The following FUT9 variants were observed in gnomAD, a reference collection of about 807,000 sequenced individuals.
The protein encoded by FUT9 is 4-galactosyl-N-acetylglucosaminide 3-alpha-L-fucosyltransferase 9.
In FUT9, 15 loss-of-function variants were observed where a neutral mutation model predicts 29.7. The observed-to-expected ratio is 0.51, with a 90% CI of 0.34 to 0.78. The LOEUF is 0.78. Among genes scored for constraint, FUT9 ranks in the 30% least tolerant of loss-of-function variants. The pLI is 0.01. For synonymous variants in FUT9, 169 were observed against 153.7 expected (o/e 1.10, Z -0.74); for missense variants, 319 against 425.4 (o/e 0.75, Z 2.20).
chr6:96,212,505 A>G lies in FUT9; in HGVS notation c.*8270A>G. On this transcript the variant is annotated 3_prime_UTR_variant, in exon 3 of 3. Coordinates refer to ENST00000302103, the MANE Select transcript of FUT9 (RefSeq NM_006581.4). ...AATTAATCAAAAAACAAAGACTATC[A>G]TATTTGAGAACAAGATTTTACTTAG... 2.4e-6 allele frequency: 1 copy of G among 408,328 alleles called. No individual in the cohort carries two copies. Among genetic ancestry groups the G allele is most frequent in the Non-Finnish European group, 4.5e-6 (1 of 222,972 alleles). The allele number at this position is 408,328 out of a possible 1,614,324, so 25.3% of individuals were successfully genotyped here. A position where few individuals can be genotyped will look rare whatever the true frequency, so the allele number is the denominator to read the frequency against.
At chr6:96,161,526 C>CAGAT (rs1387731005) in intron 2 of FUT9, among the ~76,000 whole-genome samples, 2 of 152,030 alleles carry the variant, frequency 1.3e-5, no homozygotes, top group African/African-American at 4.8e-5. Context: ...TAGGTAGAGA[C>CAGAT]AGATAGATAG....
chr6:96,206,106 T>G lies in FUT9; in HGVS notation c.*1871T>G. ...CAGCCTGAGACTGTTTATATGCATG[T>G]GCTACTCCGAATGACGTTTGTATGG... On this transcript the variant is annotated 3_prime_UTR_variant, in exon 3 of 3. Coordinates refer to ENST00000302103, the MANE Select transcript of FUT9 (RefSeq NM_006581.4). The G allele has an allele frequency of 6.0e-6, 1 of 167,144 alleles. No homozygotes were observed. The allele number at this position is 167,144 out of a possible 1,614,324, so 10.4% of individuals were successfully genotyped here.
intron 2 of FUT9, among the ~76,000 whole-genome samples, chr6:96,138,634 A>G (rs1772405540): frequency 6.6e-6 from 1 of 152,208 alleles, no homozygotes; most frequent in African/African-American, 2.4e-5. Context: ...ATATCATCGT[A>G]TAGTCTGTCA....
intron 2 of FUT9, among the ~76,000 whole-genome samples, chr6:96,164,913 G>C (rs1209312251): frequency 6.6e-6 from 1 of 152,186 alleles, no homozygotes; most frequent in Non-Finnish European, 1.5e-5. Context: ...TGTATGGCTA[G>C]TGGTTTCTGT....
At chr6:96,155,074 C>A (rs1191985317) in intron 2 of FUT9, among the ~76,000 whole-genome samples, 1 of 152,148 alleles carries the variant, frequency 6.6e-6, no homozygotes, top group East Asian at 1.9e-4. Context: ...AAAATGACCC[C>A]CAATCAGCAG....
chr6:96,141,818 G>A (rs766164105), intron 2 of FUT9, among the ~76,000 whole-genome samples: 1 of 152,208 alleles, frequency 6.6e-6, no homozygotes, highest in Non-Finnish European at 1.5e-5. Context: ...TACTTCTCCA[G>A]ATTCTGGCTG....
At chr6:96,087,283 A>G (rs1050395364) in intron 1 of FUT9, among the ~76,000 whole-genome samples, 2 of 151,796 alleles carry the variant, frequency 1.3e-5, no homozygotes, top group African/African-American at 2.4e-5. Flanking sequence ...TTAACTTATC[A>G]TAGTCTACCT....
At chr6:96,039,615 C>T (rs1450510225) in intron 1 of FUT9, among the ~76,000 whole-genome samples, 1 of 152,036 alleles carries the variant, frequency 6.6e-6, no homozygotes, top group Non-Finnish European at 1.5e-5. Flanking sequence ...CTCCTCCTCA[C>T]AGGGGCTTCC....
intron 2 of FUT9, among the ~76,000 whole-genome samples, chr6:96,153,509 A>G (rs938152414): frequency 1.3e-5 from 2 of 152,240 alleles, no homozygotes; most frequent in Non-Finnish European, 1.5e-5. Flanking sequence ...CTTCCCAAGT[A>G]TGAAATTGAG....
chr6:96,136,811 G>T (rs908730678), intron 2 of FUT9, among the ~76,000 whole-genome samples: 1 of 151,972 alleles, frequency 6.6e-6, no homozygotes, highest in Non-Finnish European at 1.5e-5. Context: ...AAATAATTGC[G>T]AGGCTACTCT....
rs543035820 is a variant in FUT9 at position 96,215,260 on chromosome 6, T to A, written c.*11025T>A. The stretch of plus-strand genomic sequence containing the variant: ...TTAAACTGGAGATGTCATTTGAAAT[T>A]TTCTTCCCTTAAACATGCTGTCACA... On this transcript the variant is annotated 3_prime_UTR_variant, in exon 3 of 3. Coordinates refer to ENST00000302103, the MANE Select transcript of FUT9 (RefSeq NM_006581.4). 6.0e-6 allele frequency: 1 copy of A among 167,174 alleles called. No individual in the cohort carries two copies. The highest frequency in any genetic ancestry group is 1.5e-5 in the Non-Finnish European group (1 of 68,092). 10.4% of individuals were successfully genotyped at this position (167,174 alleles called of 1,614,324 possible).
intron 2 of FUT9, among the ~76,000 whole-genome samples, chr6:96,189,001 G>A (rs919311265): frequency 6.6e-6 from 1 of 152,018 alleles, no homozygotes; most frequent in African/African-American, 2.4e-5. Context: ...ACAAATCTAG[G>A]TAAACTTGAT....
intron 1 of FUT9, among the ~76,000 whole-genome samples, chr6:96,027,376 G>T (rs987638629): frequency 1.3e-5 from 2 of 151,598 alleles, no homozygotes; most frequent in Non-Finnish European, 3.0e-5. Flanking sequence ...GACTGAAGAT[G>T]AATACATGTC....
At chr6:96,139,703 G>C (rs1266893192) in intron 2 of FUT9, among the ~76,000 whole-genome samples, 1 of 152,160 alleles carries the variant, frequency 6.6e-6, no homozygotes, top group African/African-American at 2.4e-5. Context: ...TCAACACCAT[G>C]TGTAAGCTGC....
Position 96,214,050 on chromosome 6 carries a change from T to TA in FUT9, c.*9817dup, listed in dbSNP as rs930189222. The TA allele has an allele frequency of 8.4e-5, 14 of 167,088 alleles. 1 individual carries two copies. The highest frequency in any genetic ancestry group is 5.2e-4 in the Admixed American group (8 of 15,286). The allele number at this position is 167,088 out of a possible 1,614,324, so 10.4% of individuals were successfully genotyped here. A position where few individuals can be genotyped will look rare whatever the true frequency, so the allele number is the denominator to read the frequency against. Reference sequence around the variant, plus strand: ...AAAGTGAAAATGTTATTCATAGTGCTAATGAGCCAATAAACAATGCTGCGT... The same window carrying TA: ...AAAGTGAAAATGTTATTCATAGTGCTAAATGAGCCAATAAACAATGCTGCGT... On this transcript the variant is annotated 3_prime_UTR_variant, in exon 3 of 3. Coordinates refer to ENST00000302103, the MANE Select transcript of FUT9 (RefSeq NM_006581.4).
chr6:96,086,001 C>T (rs1771310630), intron 1 of FUT9, among the ~76,000 whole-genome samples: 1 of 152,060 alleles, frequency 6.6e-6, no homozygotes, highest in Non-Finnish European at 1.5e-5. Flanking sequence ...ATCAGTAGGA[C>T]AATTGTATAA....
At chr6:96,027,536 G>A (rs1207217383) in intron 1 of FUT9, among the ~76,000 whole-genome samples, 4 of 151,090 alleles carry the variant, frequency 2.6e-5, no homozygotes, top group Non-Finnish European at 5.9e-5. Context: ...TGTTGTTATC[G>A]CCAGTGCTGC....
Position 96,204,057 on chromosome 6 carries a change from A to G in FUT9, c.902A>G (p.Tyr301Cys). 1 of 1,567,026 alleles carries G rather than the reference A, an allele frequency of 6.4e-7. No individual in the cohort carries two copies. Among genetic ancestry groups the G allele is most frequent in the Non-Finnish European group, 8.6e-7 (1 of 1,158,266 alleles). The change falls in exon 3 of 3, where the codon TAT (tyrosine) becomes TGT (cysteine). Residue 301 changes from tyrosine to cysteine, a missense_variant. Coordinates refer to ENST00000302103, the MANE Select transcript of FUT9 (RefSeq NM_006581.4). ...AACTCTCCCAGTGAGCTAGCAAAGT[A>G]TCTGAAGGAAGTCGACAAAAACAAT... The part of the protein sequence containing the change: ...DYNSPSELAK[Y>C]LKEVDKNNKL...
At chr6:96,080,681 C>A (rs2127950635) in intron 1 of FUT9, among the ~76,000 whole-genome samples, 1 of 152,032 alleles carries the variant, frequency 6.6e-6, no homozygotes, top group South Asian at 2.1e-4. Context: ...AATCCACAGT[C>A]CTTCCTAAAG....
Sources: gnomAD v4.1 joint callset for allele counts (sites outside exome capture counted in the v4.1 genomes callset) on GRCh38, gnomAD v4.1.1 for gene constraint, MANE v1.5 for transcripts, NCBI Gene and HGNC (gene_info 2026-07-23, HGNC 2026-07-21) for gene names.